Variants in FMN1 observed in about 807,000 individuals in gnomAD.
FMN1 encodes formin-1.
A neutral mutation model predicts 132.4 loss-of-function variants in FMN1; 110 were observed. The ratio of observed to expected loss-of-function variants is 0.83; its 90% CI spans 0.71 to 0.97. The LOEUF (loss-of-function observed/expected upper bound fraction) is 0.97, where lower values mean the gene tolerates loss of function less well. FMN1 is among the 50% of genes least tolerant of loss of function. The pLI, the probability that FMN1 is intolerant of heterozygous loss-of-function variation, is 0.00. For synonymous variants in FMN1, 722 were observed against 651.7 expected (o/e 1.11, Z -1.64); for missense variants, 1,792 against 1,705.3 (o/e 1.05, Z -0.90).
chr15:32,847,182 C>T (rs376959813), intron 17 of FMN1, among the ~76,000 whole-genome samples: 17 of 152,280 alleles, frequency 1.1e-4, no homozygotes, highest in Middle Eastern at 3.4e-3. Context: ...TGAGGGCCTA[C>T]TCAAAGTTGT....
chr15:32,958,932 C>T (rs2030170132), intron 9 of FMN1, among the ~76,000 whole-genome samples: 1 of 150,772 alleles, frequency 6.6e-6, no homozygotes, highest in African/African-American at 2.4e-5. Context: ...ATCGTAGCTA[C>T]TTGGGAGGCT....
intron 6 of FMN1, among the ~76,000 whole-genome samples, chr15:33,054,485 T>C (rs2037126393): frequency 6.6e-6 from 1 of 152,188 alleles, no homozygotes; most frequent in Admixed American, 6.5e-5. Flanking sequence ...ACTTTCAGGA[T>C]GTAAAAACTG....
intron 3 of FMN1, among the ~76,000 whole-genome samples, chr15:33,168,605 A>G (rs1377799098): frequency 6.6e-6 from 1 of 152,186 alleles, no homozygotes; most frequent in East Asian, 1.9e-4. Context: ...AAGAATTGTG[A>G]CTGAATTTCA....
At chr15:33,067,539 G>C (rs1180525027) in intron 5 of FMN1, 2 of 1,613,872 alleles carry the variant, frequency 1.2e-6, no homozygotes, top group Non-Finnish European at 1.7e-6. Flanking sequence ...TGAGCAAGGA[G>C]AGATGTCCCT....
At chr15:32,989,487 G>C (rs1376075279) in intron 7 of FMN1, among the ~76,000 whole-genome samples, 3 of 152,078 alleles carry the variant, frequency 2.0e-5, no homozygotes, top group African/African-American at 7.2e-5. Flanking sequence ...AAAGTGTAGG[G>C]AAATAGCGGA....
chr15:33,017,440 A>G (rs2035119725), intron 6 of FMN1, among the ~76,000 whole-genome samples: 1 of 152,042 alleles, frequency 6.6e-6, no homozygotes, highest in Non-Finnish European at 1.5e-5. Context: ...TTTCCGCTCA[A>G]TTTTTCTATC....
intron 16 of FMN1, among the ~76,000 whole-genome samples, chr15:32,881,209 A>G (rs1187620840): frequency 6.6e-6 from 1 of 152,176 alleles, no homozygotes; most frequent in African/African-American, 2.4e-5. Context: ...ATTTTAAATG[A>G]CTGTATTAAT....
At chr15:33,140,980 C>T (rs1322513409) in intron 4 of FMN1, among the ~76,000 whole-genome samples, 1 of 152,044 alleles carries the variant, frequency 6.6e-6, no homozygotes, top group African/African-American at 2.4e-5. Context: ...TGACTATCTC[C>T]TTTGCTCATT....
chr15:32,887,076 G>C (rs952007037), intron 16 of FMN1, among the ~76,000 whole-genome samples: 1 of 152,110 alleles, frequency 6.6e-6, no homozygotes, highest in Middle Eastern at 3.2e-3. Flanking sequence ...TTCCATGTAA[G>C]TTTTATGCCC....
In FMN1 at chr15:33,153,392, G is replaced by T. The variant is rs763959564; in HGVS notation, c.1523C>A (p.Ala508Asp). ...CTGTTTGTGTGTGCTGGACTGCGAGGCTGAATTATTAAACACCTTGCCAAG... is the reference window on the plus strand; with the variant it reads ...CTGTTTGTGTGTGCTGGACTGCGAGTCTGAATTATTAAACACCTTGCCAAG... ...AALGKVFNNS[A>D]SQSSTHKQTS... Residue 508 changes from alanine to aspartate, a missense_variant, in exon 4 of 21, where the codon GCC becomes GAC. Ala to Asp is a moderately radical substitution (Grantham distance 126, BLOSUM62 -2). Coordinates refer to ENST00000616417, the MANE Select transcript of FMN1 (RefSeq NM_001277313.2). 2.0e-6 allele frequency: 3 copies of T among 1,536,656 alleles called. No individual in the cohort carries two copies. Among genetic ancestry groups the T allele is most frequent in the South Asian group, 2.4e-5 (2 of 84,064 alleles).
At chr15:32,823,982 T>C (rs910486351) in intron 17 of FMN1, among the ~76,000 whole-genome samples, 3 of 152,234 alleles carry the variant, frequency 2.0e-5, no homozygotes, top group Non-Finnish European at 4.4e-5. Flanking sequence ...AAAAGCCATG[T>C]GCTCCCTTCT....
intron 4 of FMN1, among the ~76,000 whole-genome samples, chr15:33,149,594 C>T (rs1964364031): frequency 6.6e-6 from 1 of 152,154 alleles, no homozygotes; most frequent in Non-Finnish European, 1.5e-5. Context: ...GATCCTATTA[C>T]TTTCTCAAAA....
intron 4 of FMN1, among the ~76,000 whole-genome samples, chr15:33,125,855 C>T (rs1438373769): frequency 1.3e-5 from 2 of 152,138 alleles, no homozygotes; most frequent in East Asian, 3.9e-4. Flanking sequence ...TACTAAATCT[C>T]TAAATGTTTA....
intron 9 of FMN1, among the ~76,000 whole-genome samples, chr15:32,950,487 C>T (rs1352092333): frequency 1.3e-5 from 2 of 152,152 alleles, no homozygotes; most frequent in African/African-American, 4.8e-5. Flanking sequence ...GGTACATATA[C>T]ACTATGGAAT....
rs374950174 is a variant in FMN1 at position 33,101,952 on chromosome 15, T to C, written c.1868-12978A>G. On this transcript the variant is annotated intron_variant, in intron 4 of 20. Coordinates refer to ENST00000616417, the MANE Select transcript of FMN1 (RefSeq NM_001277313.2). Reference sequence around the variant, plus strand: ...CACTTCCTTGTCTATTCACTTTATTTGGACTGACTGTATACCAGTATCTGA... The same window carrying C: ...CACTTCCTTGTCTATTCACTTTATTCGGACTGACTGTATACCAGTATCTGA... Among the ~76,000 whole-genome samples the C allele has an allele frequency of 9.9e-5, 15 of 152,276 alleles. No homozygotes were observed. The East Asian group carries it at 1.5e-3, about 16-fold the overall frequency.
chr15:33,164,086 A>C (rs867531280), intron 3 of FMN1, among the ~76,000 whole-genome samples: 4 of 145,406 alleles, frequency 2.8e-5, no homozygotes, highest in Non-Finnish European at 4.7e-5. Flanking sequence ...GGGAGGAATC[A>C]GCCTTGACAA....
intron 5 of FMN1, among the ~76,000 whole-genome samples, chr15:33,088,169 T>C (rs529939098): frequency 6.6e-6 from 1 of 151,982 alleles, no homozygotes; most frequent in South Asian, 2.1e-4. Context: ...AACTTATTCA[T>C]GTAACCAAAC....
At chr15:33,073,714 TAG>T (rs1206447980) in intron 5 of FMN1, among the ~76,000 whole-genome samples, 1 of 149,846 alleles carries the variant, frequency 6.7e-6, no homozygotes, top group Non-Finnish European at 1.5e-5. Context: ...TTAGAAATAG[TAG>T]AAATTTACCT....
In FMN1 at chr15:33,072,709, G is replaced by C. The variant is rs552755311; in HGVS notation, c.2044-7635C>G. ...AAGCCAAGGCAGGTGGATTACCTGA[G>C]GTCAGGAGTTCAAGACTAGCCTGGC... On this transcript the variant is annotated intron_variant, in intron 5 of 20. Coordinates refer to ENST00000616417, the MANE Select transcript of FMN1 (RefSeq NM_001277313.2). Among the ~76,000 whole-genome samples, 142 of 152,232 alleles carry C rather than the reference G, an allele frequency of 9.3e-4. 1 individual carries two copies. Among genetic ancestry groups the C allele is most frequent in the African/African-American group, 3.3e-3 (137 of 41,534 alleles).
Sources: allele counts gnomAD v4.1 joint callset (sites outside exome capture counted in the v4.1 genomes callset), GRCh38; gene constraint gnomAD v4.1.1; transcripts MANE v1.5; gene names NCBI Gene and HGNC (gene_info 2026-07-23, HGNC 2026-07-21).